The following MAP2K4 variants were observed in gnomAD, a reference collection of about 807,000 sequenced individuals.
The protein encoded by MAP2K4 is mitogen-activated protein kinase kinase 4.
A neutral mutation model predicts 48.5 loss-of-function variants in MAP2K4; 4 were observed. That is an observed-to-expected ratio of 0.08 (90% confidence interval 0.04 to 0.19). MAP2K4 has a LOEUF of 0.19. Among genes scored for constraint, MAP2K4 ranks in the 10% least tolerant of loss-of-function variants. MAP2K4 has a pLI of 1.00. For missense variants in MAP2K4, 258 were observed against 493.3 expected (o/e 0.52, Z 4.52); for synonymous variants, 166 against 173.1 (o/e 0.96, Z 0.32).
intron 1 of MAP2K4, among the ~76,000 whole-genome samples, chr17:12,046,672 T>C (rs76499171): frequency 0.014 from 2,084 of 152,296 alleles, 17 homozygotes; most frequent in East Asian, 0.047. Flanking sequence ...AGAGAGGGGC[T>C]ATTATAATCA....
At chr17:12,072,445 G>A (rs765583572) in intron 2 of MAP2K4, among the ~76,000 whole-genome samples, 6 of 152,128 alleles carry the variant, frequency 3.9e-5, no homozygotes, top group Non-Finnish European at 7.4e-5. Flanking sequence ...GGAAGCCATG[G>A]GAATGAAAGT....
intron 2 of MAP2K4, among the ~76,000 whole-genome samples, chr17:12,059,326 T>C (rs1461744773): frequency 1.3e-5 from 2 of 152,220 alleles, no homozygotes; most frequent in East Asian, 1.9e-4. Context: ...TTCTTATAAA[T>C]GTGGCCAGCT....
At chr17:12,100,105 G>A (rs940629407) in intron 4 of MAP2K4, among the ~76,000 whole-genome samples, 4 of 152,110 alleles carry the variant, frequency 2.6e-5, no homozygotes, top group Non-Finnish European at 4.4e-5. Context: ...CACATGTAAA[G>A]TGTACAGTTT....
intron 7 of MAP2K4, chr17:12,115,469 C>A: frequency 1.8e-6 from 1 of 556,398 alleles, no homozygotes; most frequent in Non-Finnish European, 3.4e-6. Flanking sequence ...ACAACAGCAA[C>A]TATTTGTGTG....
chr17:12,111,275 CATTT>C (rs1409520602), intron 6 of MAP2K4, among the ~76,000 whole-genome samples: 4 of 152,052 alleles, frequency 2.6e-5, no homozygotes, highest in African/African-American at 7.2e-5. Context: ...GTAATTGGGC[CATTT>C]ATTTAAGTTC....
At chr17:12,036,698 G>A (rs974974798) in intron 1 of MAP2K4, 4 of 135,242 alleles carry the variant, frequency 3.0e-5, no homozygotes, top group African/African-American at 1.0e-4. Flanking sequence ...AGTGTTGTCA[G>A]CATTCTAATT....
intron 2 of MAP2K4, among the ~76,000 whole-genome samples, chr17:12,076,289 G>C (rs1177704650): frequency 1.2e-4 from 17 of 145,580 alleles, no homozygotes; most frequent in African/African-American, 4.2e-4. Context: ...CTGTGTGTGT[G>C]TGTGTGTGTG....
intron 9 of MAP2K4, among the ~76,000 whole-genome samples, chr17:12,131,308 T>C (rs2151592160): frequency 6.6e-6 from 1 of 151,448 alleles, no homozygotes. Context: ...TGTAATGATG[T>C]GGTCGCAGCT....
intron 9 of MAP2K4, among the ~76,000 whole-genome samples, chr17:12,135,521 A>G (rs1489494248): frequency 2.0e-5 from 3 of 152,094 alleles, no homozygotes; most frequent in African/African-American, 7.2e-5. Context: ...GGCGTGAGCC[A>G]CTGTACCTGG....
chr17:12,080,057 A>T (rs1971139359), intron 2 of MAP2K4, among the ~76,000 whole-genome samples: 1 of 152,220 alleles, frequency 6.6e-6, no homozygotes, highest in Non-Finnish European at 1.5e-5. Context: ...GTAAATTGTT[A>T]TTTAGACCAA....
At chr17:12,053,906 AGTTAATT>A (rs987084009) in intron 1 of MAP2K4, among the ~76,000 whole-genome samples, 11 of 152,176 alleles carry the variant, frequency 7.2e-5, no homozygotes, top group Non-Finnish European at 1.5e-5. Context: ...TTTTTTGAGT[AGTTAATT>A]GTATAATAAA....
chr17:12,103,490 C>T (rs1458554165), intron 4 of MAP2K4, among the ~76,000 whole-genome samples: 1 of 151,810 alleles, frequency 6.6e-6, no homozygotes, highest in Non-Finnish European at 1.5e-5. Flanking sequence ...GTCCATGTTC[C>T]TTTTAAACTG....
rs1275146136 is a variant in MAP2K4, at chr17:12,143,206, G to A, written c.*1946G>A. The A allele has an allele frequency of 1.3e-5, 3 of 232,884 alleles. No individual in the cohort carries two copies. Among genetic ancestry groups the A allele is most frequent in the African/African-American group, 2.2e-5 (1 of 45,298 alleles). The allele number at this position is 232,884 out of a possible 1,614,324, so 14.4% of individuals were successfully genotyped here. On this transcript the variant is annotated 3_prime_UTR_variant, in exon 11 of 11. Coordinates refer to ENST00000353533, the MANE Select transcript of MAP2K4 (RefSeq NM_003010.4). Reference sequence around the variant, plus strand: ...GGACTCAAGAGGAATCTGTTTCTCTGCTGTCAACTTCCCATCTGGCTCAGC... The same window carrying A: ...GGACTCAAGAGGAATCTGTTTCTCTACTGTCAACTTCCCATCTGGCTCAGC...
At chr17:12,097,392 T>A (rs1971790314) in intron 4 of MAP2K4, among the ~76,000 whole-genome samples, 1 of 152,276 alleles carries the variant, frequency 6.6e-6, no homozygotes, top group South Asian at 2.1e-4. Context: ...ATCATTCATG[T>A]ACCATTTACA....
intron 1 of MAP2K4, among the ~76,000 whole-genome samples, chr17:12,053,724 A>G (rs1224771132): frequency 2.0e-5 from 3 of 151,892 alleles, no homozygotes; most frequent in African/African-American, 7.2e-5. Flanking sequence ...AAGGAGGCTT[A>G]TCTTTGAAAG....
At chr17:12,056,461 T>A (rs993910348) in intron 2 of MAP2K4, among the ~76,000 whole-genome samples, 1 of 152,136 alleles carries the variant, frequency 6.6e-6, no homozygotes, top group Non-Finnish European at 1.5e-5. Flanking sequence ...TGTTCTTAAC[T>A]AATGTTTTAT....
intron 9 of MAP2K4, among the ~76,000 whole-genome samples, chr17:12,133,810 G>A (rs192024591): frequency 1.3e-4 from 20 of 152,220 alleles, no homozygotes; most frequent in Non-Finnish European, 1.5e-4. Context: ...CTGTAGCTTG[G>A]GCAGCAGACC....
At position 12,098,245 on chromosome 17, in the gene MAP2K4, C is replaced by T. The variant is rs566356952; in HGVS notation, c.513+2551C>T. Among the ~76,000 whole-genome samples, 9 of 152,024 alleles carry T rather than the reference C, an allele frequency of 5.9e-5. No individual in the cohort carries two copies. In the South Asian group the frequency reaches 1.7e-3, roughly 28 times the overall value. On this transcript the variant is annotated intron_variant, in intron 4 of 10. Coordinates refer to ENST00000353533, the MANE Select transcript of MAP2K4 (RefSeq NM_003010.4). ...CTGTAATCCCAGCACTTCAGGAGGC[C>T]GAGGTGGGCGGATCACGAGGTCAGG...
Position 12,039,414 on chromosome 17 carries a change from C to A in MAP2K4, c.116-15475C>A, listed in dbSNP as rs143712143. 6.9e-3 allele frequency among the ~76,000 whole-genome samples: 1,056 copies of A among 152,210 alleles called. 9 individuals carry two copies. Among genetic ancestry groups the A allele is most frequent in the Non-Finnish European group, 0.012 (824 of 67,998 alleles). Reference sequence around the variant, plus strand: ...TTAATAGTAGAAAATTTCAAACATACACAAAAATAGAGTAGTGTAATGAAC... The same window carrying A: ...TTAATAGTAGAAAATTTCAAACATAAACAAAAATAGAGTAGTGTAATGAAC... On this transcript the variant is annotated intron_variant, in intron 1 of 10. Transcript: ENST00000353533.
Sources: gnomAD v4.1 joint callset for allele counts (sites outside exome capture counted in the v4.1 genomes callset) on GRCh38, gnomAD v4.1.1 for gene constraint, MANE v1.5 for transcripts, NCBI Gene and HGNC (gene_info 2026-07-23, HGNC 2026-07-21) for gene names.